The following SLC39A10 variants were observed in gnomAD, a reference collection of about 807,000 sequenced individuals.
SLC39A10 encodes solute carrier family 39 member 10.
SLC39A10 carries 13 observed loss-of-function variants against 65.1 expected under a neutral mutation model. The observed-to-expected ratio is 0.20, with a 90% confidence interval of 0.13 to 0.32. The LOEUF (loss-of-function observed/expected upper bound fraction) is 0.32, where lower values mean the gene tolerates loss of function less well. Ranked by LOEUF, SLC39A10 falls within the 10% of genes least tolerant of loss-of-function variation. The pLI is 1.00. For synonymous variants in SLC39A10, 321 were observed against 342.2 expected, an observed-to-expected ratio of 0.94 and a Z score of 0.68; for missense variants, 831 against 1,018.4, an observed-to-expected ratio of 0.82 and a Z score of 2.50.
rs201397694 is a variant in SLC39A10, at chr2:195,716,934, G to A, written c.1994G>A (p.Gly665Glu). ...TCTGGATCCGATCTGAAAGAAACAG[G>A]AATAGCTAATATAGCCTGGATGGTG... ...CHSGSDLKET[G>E]IANIAWMVIM... Residue 665 changes from glycine (G) to glutamate (E), a missense_variant, in exon 7 of 10, where the codon GGA becomes GAA. Around this residue, in one of 4 missense-constraint regions of SLC39A10, gnomAD observed 230 missense variants for 242.9 expected, o/e 0.95. Coordinates refer to ENST00000359634, the MANE Select transcript of SLC39A10 (RefSeq NM_020342.3). 19 of 1,614,198 alleles carry A rather than the reference G, an allele frequency of 1.2e-5. No individual in the cohort carries two copies. The highest frequency in any genetic ancestry group is 1.6e-5 in the Non-Finnish European group (19 of 1,180,026).
At chr2:195,690,666 C>T (rs1050614518) in intron 3 of SLC39A10, among the ~76,000 whole-genome samples, 7 of 152,090 alleles carry the variant, frequency 4.6e-5, no homozygotes, top group African/African-American at 1.7e-4. Flanking sequence ...ATTTGTATAT[C>T]TCCTTTCAGA....
chr2:195,657,708 A>G, intron 1 of SLC39A10: 4 of 890,354 alleles, frequency 4.5e-6, no homozygotes, highest in Non-Finnish European at 5.4e-6. Flanking sequence ...ATGGCGTCGC[A>G]GGCGCGGGCG....
upstream of SLC39A10, among the ~76,000 whole-genome samples, chr2:195,653,866 AAT>A (rs1348474922): frequency 6.6e-6 from 1 of 152,230 alleles, no homozygotes; most frequent in African/African-American, 2.4e-5. Flanking sequence ...GGTTATTACT[AAT>A]CTTGAATCAC....
chr2:195,681,413 C>A (rs778818097), intron 2 of SLC39A10, among the ~76,000 whole-genome samples: 1 of 152,054 alleles, frequency 6.6e-6, no homozygotes, highest in Non-Finnish European at 1.5e-5. Context: ...GTAGCCCCAG[C>A]TACTCGGGAG....
At chr2:195,687,739 T>TA (rs1211456691) in intron 3 of SLC39A10, among the ~76,000 whole-genome samples, 1 of 152,232 alleles carries the variant, frequency 6.6e-6, no homozygotes, top group Admixed American at 6.5e-5. Context: ...GCACAGCTAC[T>TA]ACCTCATTAA....
intron 9 of SLC39A10, among the ~76,000 whole-genome samples, chr2:195,731,431 C>T (rs1692430280): frequency 6.6e-6 from 1 of 152,158 alleles, no homozygotes; most frequent in Non-Finnish European, 1.5e-5. Flanking sequence ...ACGTGTATCT[C>T]AACCTATTAA....
intron 1 of SLC39A10, among the ~76,000 whole-genome samples, chr2:195,663,147 C>T (rs1178635002): frequency 6.6e-6 from 1 of 152,146 alleles, no homozygotes; most frequent in Non-Finnish European, 1.5e-5. Flanking sequence ...TTCCTTGTAA[C>T]TCTCTCAGAG....
intron 1 of SLC39A10, among the ~76,000 whole-genome samples, chr2:195,673,183 T>C (rs1574252214): frequency 1.3e-5 from 2 of 152,340 alleles, no homozygotes. Flanking sequence ...AAACTATTAT[T>C]TATTAATTTA....
chr2:195,708,331 A>T (rs933158888), intron 4 of SLC39A10, among the ~76,000 whole-genome samples: 3 of 152,182 alleles, frequency 2.0e-5, no homozygotes, highest in African/African-American at 7.2e-5. Flanking sequence ...TTTGGCATGT[A>T]AGTAGATCAT....
chr2:195,672,958 C>T (rs1411853266), intron 1 of SLC39A10, among the ~76,000 whole-genome samples: 3 of 152,158 alleles, frequency 2.0e-5, no homozygotes, highest in African/African-American at 7.2e-5. Flanking sequence ...GTCTTAATCA[C>T]CCACGCCTTT....
intron 1 of SLC39A10, among the ~76,000 whole-genome samples, chr2:195,666,443 A>G (rs951361453): frequency 6.6e-6 from 1 of 152,180 alleles, no homozygotes; most frequent in Non-Finnish European, 1.5e-5. Flanking sequence ...AGCAGTAGCT[A>G]TTTTTAGAAT....
chr2:195,687,393 G>A (rs1200846444), intron 3 of SLC39A10, among the ~76,000 whole-genome samples: 2 of 152,122 alleles, frequency 1.3e-5, no homozygotes, highest in African/African-American at 4.8e-5. Context: ...GACTTTTAAT[G>A]AGAGTTGTCT....
chr2:195,723,941 A>G (rs970021673), intron 8 of SLC39A10, among the ~76,000 whole-genome samples: 2 of 152,192 alleles, frequency 1.3e-5, no homozygotes, highest in African/African-American at 4.8e-5. Flanking sequence ...ATATGTAGCC[A>G]TATTATTAAG....
In SLC39A10 at chr2:195,719,631, T is replaced by A. The variant is rs562474875; in HGVS notation, c.2146+1299T>A. ...CATTAACTTTCTTTTTTTTTTTTTTTCTTTGAGACAGAGTCTTCCTCTGCT... is the reference window on the plus strand; with the variant it reads ...CATTAACTTTCTTTTTTTTTTTTTTACTTTGAGACAGAGTCTTCCTCTGCT... On this transcript the variant is annotated intron_variant, in intron 8 of 9. Coordinates refer to ENST00000359634, the MANE Select transcript of SLC39A10 (RefSeq NM_020342.3). Among the ~76,000 whole-genome samples, 162 of 151,744 alleles carry A rather than the reference T, an allele frequency of 1.1e-3. 3 individuals are homozygous for A. In the East Asian group the frequency reaches 0.024, roughly 22 times the overall value.
intron 2 of SLC39A10, among the ~76,000 whole-genome samples, chr2:195,624,795 C>T (rs1262465027): frequency 6.8e-6 from 1 of 146,424 alleles, no homozygotes; most frequent in Non-Finnish European, 1.5e-5. Context: ...AGGAGAATCA[C>T]TTGAACCCAG....
chr2:195,701,605 G>T (rs1401752046), intron 3 of SLC39A10, among the ~76,000 whole-genome samples: 1 of 149,982 alleles, frequency 6.7e-6, no homozygotes, highest in African/African-American at 2.4e-5. Flanking sequence ...GTGTTTGTTT[G>T]TTATTAATTT....
chr2:195,732,710 G>C (rs570715984), intron 9 of SLC39A10, among the ~76,000 whole-genome samples: 8 of 152,302 alleles, frequency 5.3e-5, no homozygotes, highest in Non-Finnish European at 1.0e-4. Flanking sequence ...CCATATGTAG[G>C]AAGCTGTCAG....
At chr2:195,660,904 T>A (rs867543620) in intron 1 of SLC39A10, among the ~76,000 whole-genome samples, 3 of 152,330 alleles carry the variant, frequency 2.0e-5, no homozygotes. Context: ...AGTTTGAAAG[T>A]GTTAAATTTA....
At position 195,728,923 on chromosome 2, in the gene SLC39A10, T is replaced by C. The variant is rs984197194; in HGVS notation, c.2337+574T>C. ...TTGTTTGTTTGACTAGATAGGACAT[T>C]TACTTTTTTTTTTCTGGTAAGATCA... On this transcript the variant is annotated intron_variant, in intron 9 of 9. Coordinates refer to ENST00000359634, the MANE Select transcript of SLC39A10 (RefSeq NM_020342.3). The surrounding 1 kb of genome is among the most constrained non-coding windows in gnomAD (Gnocchi z 4.4). Among the ~76,000 whole-genome samples, 1 of 4,658 alleles carries C rather than the reference T, an allele frequency of 2.1e-4. No homozygotes were observed. Among genetic ancestry groups the C allele is most frequent in the Non-Finnish European group, 5.4e-3 (1 of 186 alleles). The allele number at this position is 4,658 out of a possible 152,430, so 3.1% of individuals were successfully genotyped here.
Sources: gnomAD v4.1 joint callset for allele counts (sites outside exome capture counted in the v4.1 genomes callset) on GRCh38, gnomAD v4.1.1 for gene constraint, gnomAD v4.1.1 regional missense constraint, Gnocchi (gnomAD v3.1) non-coding constraint, MANE v1.5 for transcripts, NCBI Gene and HGNC (gene_info 2026-07-23, HGNC 2026-07-21) for gene names.